Variants in CEP164 observed in about 807,000 individuals in gnomAD.
CEP164 encodes the protein centrosomal protein 164.
A neutral mutation model predicts 182.7 loss-of-function variants in CEP164; 162 were observed. The observed-to-expected ratio is 0.89, with a 90% CI of 0.78 to 1.01. CEP164 has a LOEUF of 1.01. CEP164 is among the 50% of genes least tolerant of loss of function. The probability of loss-of-function intolerance (pLI) is 0.00; values close to 1 mark genes in which losing one functional copy is unlikely to be tolerated. For synonymous variants in CEP164, 661 were observed against 690.0 expected (o/e 0.96, Z 0.66); for missense variants, 1,735 against 1,790.4 (o/e 0.97, Z 0.56).
At chr11:117,373,672 TGAACA>T in intron 9 of CEP164, 74 bp from the exon 10 acceptor site, 1 of 1,304,270 alleles carries the variant, frequency 7.7e-7, no homozygotes, top group Non-Finnish European at 1.1e-6. Flanking sequence ...CCCCATGGCC[TGAACA>T]GAATTCCCTG....
chr11:117,323,428 A>T (rs532974480), upstream of CEP164, among the ~76,000 whole-genome samples: 6 of 149,476 alleles, frequency 4.0e-5, no homozygotes, highest in African/African-American at 1.5e-4. Flanking sequence ...GTAGGATTCC[A>T]TTTTTTTTTA....
At chr11:117,367,654 C>T (rs1340658381) in intron 8 of CEP164, among the ~76,000 whole-genome samples, 1 of 152,144 alleles carries the variant, frequency 6.6e-6, no homozygotes, top group Admixed American at 6.5e-5. Context: ...TAGGTATCCT[C>T]TCCTTTTAAT....
intron 2 of CEP164, among the ~76,000 whole-genome samples, chr11:117,337,134 A>G (rs2037281294): frequency 6.6e-6 from 1 of 152,158 alleles, no homozygotes; most frequent in African/African-American, 2.4e-5. Flanking sequence ...GGGGGGCTCC[A>G]ACAACAGAAA....
At chr11:117,344,327 G>A (rs1290232146) in intron 4 of CEP164, 50 bp downstream of exon 4, 3 of 1,277,012 alleles carry the variant, frequency 2.3e-6, no homozygotes, top group African/African-American at 1.5e-5. Context: ...AGAGGCAGAG[G>A]GAAGCTAATA....
At chr11:117,371,053 T>C in intron 8 of CEP164, 27 bp from the exon 9 acceptor site, 1 of 1,536,888 alleles carries the variant, frequency 6.5e-7, no homozygotes, top group Non-Finnish European at 8.7e-7. Flanking sequence ...TTTGTCTTCC[T>C]TTCTAACATG....
rs1333368187 is a variant in CEP164 at position 117,412,097 on chromosome 11, C to G, written c.4312C>G (p.Pro1438Ala). The G allele has an allele frequency of 6.2e-7, 1 of 1,614,032 alleles. No homozygotes were observed. The highest frequency in any genetic ancestry group is 8.5e-7 in the Non-Finnish European group (1 of 1,180,030). ...RLPLFSSTPKPKATLSLLQLG... is the reference protein window; with the variant it reads ...RLPLFSSTPKAKATLSLLQLG... ...ACCTCTCTTCTCGTCAACACCCAAG[C>G]CAAAAGCTACTTTGAGCCTCCTGCA... Residue 1438 changes from proline (P) to alanine (A), a missense_variant, in exon 33 of 33, where the codon CCA (proline) becomes GCA (alanine). Pro to Ala is a conservative substitution (Grantham distance 27, BLOSUM62 -1). Transcript: ENST00000278935.
At position 117,361,939 on chromosome 11, in the gene CEP164, C is replaced by T. The variant is rs781437579; in HGVS notation, c.498C>T (p.Ser166=). 13 of 1,609,586 alleles carry T rather than the reference C, an allele frequency of 8.1e-6. No individual in the cohort carries two copies. Among genetic ancestry groups the T allele is most frequent in the East Asian group, 4.5e-5 (2 of 44,870 alleles). The change falls in exon 6 of 33, where the codon AGC becomes AGT. Residue 166 remains serine (S), a synonymous_variant. Transcript: ENST00000278935. The stretch of plus-strand genomic sequence containing the variant: ...CCTCTGCTCTTCGTGGATCTCAAAG[C>T]GTGAGCCTGGGGAGCTCAGTGGAGT... ...TPPSALRGSQ[S]VSLGSSVESG... is the part of the protein sequence containing the mutation.
At chr11:117,361,016 C>G (rs1214272899) in intron 5 of CEP164, among the ~76,000 whole-genome samples, 2 of 148,762 alleles carry the variant, frequency 1.3e-5, no homozygotes, top group East Asian at 3.9e-4. Flanking sequence ...GTCACTGCAA[C>G]CTCCGCCTCC....
chr11:117,396,243 C>T, intron 25 of CEP164, 63 bp downstream of exon 25: 1 of 1,559,398 alleles, frequency 6.4e-7, no homozygotes. Context: ...TTGGGAGGGG[C>T]TGGGCATCAG....
Position 117,351,997 on chromosome 11 carries a change from G to T in CEP164, c.393+9G>T. 1 of 1,560,092 alleles carries T rather than the reference G, an allele frequency of 6.4e-7. No homozygotes were observed. The highest frequency in any genetic ancestry group is 8.7e-7 in the Non-Finnish European group (1 of 1,151,888). On this transcript the variant is annotated intron_variant, in intron 5 of 32. Coordinates refer to ENST00000278935, the MANE Select transcript of CEP164 (RefSeq NM_014956.5). ...CCCCCAAAAGTTCGCTGGTGAGTCA[G>T]TGGATGCCTCCTCCCAGAGAGGCCA...
intron 27 of CEP164, among the ~76,000 whole-genome samples, chr11:117,404,667 A>G (rs1036060848): frequency 3.3e-5 from 5 of 152,244 alleles, no homozygotes; most frequent in African/African-American, 1.2e-4. Flanking sequence ...GTCTCTTAGC[A>G]GAGCCCAAGT....
chr11:117,335,845 A>G (rs995402039), intron 2 of CEP164, among the ~76,000 whole-genome samples, 165 bp downstream of exon 2: 2 of 152,200 alleles, frequency 1.3e-5, no homozygotes, highest in African/African-American at 4.8e-5. Flanking sequence ...TCTAATCATA[A>G]TTAAATTTCC....
chr11:117,391,324 T>C, intron 17 of CEP164, 109 bp downstream of exon 17: 1 of 1,069,036 alleles, frequency 9.4e-7, no homozygotes, highest in Non-Finnish European at 1.4e-6. Context: ...GCGTGCAGGC[T>C]GGGGAGCCAG....
chr11:117,409,911 G>A lies in CEP164; in HGVS notation c.4042G>A (p.Val1348Met). The A allele has an allele frequency of 1.9e-6, 3 of 1,613,494 alleles. No individual in the cohort carries two copies. Among genetic ancestry groups the A allele is most frequent in the Non-Finnish European group, 2.5e-6 (3 of 1,179,992 alleles). The change falls in exon 30 of 33, where the codon GTG becomes ATG. Residue 1348 changes from valine to methionine, a missense_variant. Val to Met is a conservative substitution (Grantham distance 21, BLOSUM62 1). Coordinates refer to ENST00000278935, the MANE Select transcript of CEP164 (RefSeq NM_014956.5). The surrounding 1 kb of genome is among the most constrained non-coding windows in gnomAD (Gnocchi z 4.4). ...GCAGGGGCCCAGGCTCCCCTCCTCT[G>A]TGGCTCAAACGGTGGACGACTTCCT... ...SGQGPRLPSSVAQTVDDFLLE... is the reference protein window; with the variant it reads ...SGQGPRLPSSMAQTVDDFLLE...
intron 11 of CEP164, among the ~76,000 whole-genome samples, chr11:117,378,979 A>T (rs898164216): frequency 1.3e-5 from 2 of 151,916 alleles, no homozygotes; most frequent in African/African-American, 4.8e-5. Flanking sequence ...TACTCATCTT[A>T]TATTTTAGTT....
chr11:117,408,086 T>G lies in CEP164; in HGVS notation c.3609+54T>G, dbSNP rs892732238. 2.9e-6 allele frequency: 4 copies of G among 1,377,826 alleles called. No homozygotes were observed. In the African/African-American group the frequency reaches 4.3e-5, roughly 15 times the overall value. 85.4% of individuals were successfully genotyped at this position (1,377,826 alleles called of 1,614,324 possible). On this transcript the variant is annotated intron_variant, in intron 28 of 32. Transcript: ENST00000278935. ...GGGCCCTGGCCTTCCTCTTCTGTTC[T>G]TGGGATTGGGTTGAGTTCTTTGGTC...
chr11:117,381,931 G>T (rs1172054370), intron 13 of CEP164, 63 bp downstream of exon 13: 2 of 1,070,842 alleles, frequency 1.9e-6, no homozygotes, highest in East Asian at 6.0e-5. Context: ...TGTGTAGTGG[G>T]TATGTGTGCT....
chr11:117,393,150 C>T (rs377092335), intron 20 of CEP164, 24 bp downstream of exon 20: 135 of 1,608,100 alleles, frequency 8.4e-5, no homozygotes, highest in South Asian at 4.5e-4. Flanking sequence ...ATCCCCTGCG[C>T]GCATGCACAC....
At chr11:117,343,756 G>A (rs544047198) in intron 3 of CEP164, among the ~76,000 whole-genome samples, 5 of 149,390 alleles carry the variant, frequency 3.3e-5, no homozygotes, top group African/African-American at 4.9e-5. Context: ...TCAGCCTCCC[G>A]AGTAGCTGGG....
Sources: allele counts gnomAD v4.1 joint callset (sites outside exome capture counted in the v4.1 genomes callset), GRCh38; gene constraint gnomAD v4.1.1; non-coding constraint Gnocchi (gnomAD v3.1); transcripts MANE v1.5; gene names NCBI Gene and HGNC (gene_info 2026-07-23, HGNC 2026-07-21).